The following KLHDC2 variants were observed in gnomAD, a reference collection of about 807,000 sequenced individuals.
The protein encoded by KLHDC2 is kelch domain containing 2.
KLHDC2 carries 38 observed loss-of-function variants against 62.3 expected under a neutral mutation model. The observed-to-expected ratio is 0.61, with a 90% CI of 0.47 to 0.80. The LOEUF is 0.80. Ranked by LOEUF, KLHDC2 falls within the 30% of genes least tolerant of loss-of-function variation. The pLI is 0.00. For synonymous variants in KLHDC2, 159 were observed against 161.0 expected (o/e 0.99, Z 0.09); for missense variants, 430 against 495.3 (o/e 0.87, Z 1.25).
chr14:49,775,060 G>A (rs1889742446), intron 3 of KLHDC2, among the ~76,000 whole-genome samples: 1 of 152,192 alleles, frequency 6.6e-6, no homozygotes, highest in African/African-American at 2.4e-5. Context: ...AAGCTGTAAG[G>A]ATAAATTAAA....
intron 2 of KLHDC2, among the ~76,000 whole-genome samples, chr14:49,772,298 T>TA (rs1889680542): frequency 6.6e-6 from 1 of 152,214 alleles, no homozygotes; most frequent in Admixed American, 6.6e-5. Context: ...TATAAATGGT[T>TA]AAATTGTTAG....
At chr14:49,779,991 G>C in intron 8 of KLHDC2, 185 bp downstream of exon 8, 1 of 620,326 alleles carries the variant, frequency 1.6e-6, no homozygotes. Context: ...TATGTGCCTA[G>C]TACATAGCAT....
At chr14:49,769,334 C>T (rs577514275) in intron 1 of KLHDC2, among the ~76,000 whole-genome samples, 1 of 152,308 alleles carries the variant, frequency 6.6e-6, no homozygotes, top group Non-Finnish European at 1.5e-5. Flanking sequence ...AGTTGCCATT[C>T]TTTACCCTGC....
chr14:49,785,562 T>G lies in KLHDC2; in HGVS notation c.*2609T>G. ...TAATAAGTAATGAGAACAATAATTT[T>G]CAAAATCCTACCTACAGTTACATTT... On this transcript the variant is annotated 3_prime_UTR_variant, in exon 13 of 13. Transcript: ENST00000298307. 1 of 415,162 alleles carries G rather than the reference T, an allele frequency of 2.4e-6. No individual in the cohort carries two copies. The highest frequency in any genetic ancestry group is 4.5e-6 in the Non-Finnish European group (1 of 224,348). The allele number at this position is 415,162 out of a possible 1,614,324, so 25.7% of individuals were successfully genotyped here.
intron 2 of KLHDC2, among the ~76,000 whole-genome samples, chr14:49,771,923 G>A (rs1053358880): frequency 4.6e-5 from 7 of 152,100 alleles, no homozygotes; most frequent in African/African-American, 1.7e-4. Flanking sequence ...TCTGGGAGGC[G>A]GAGGTTGCAG....
intron 4 of KLHDC2, 78 bp from the exon 5 acceptor site, chr14:49,778,100 A>G: frequency 9.8e-7 from 1 of 1,016,320 alleles, no homozygotes; most frequent in Admixed American, 2.0e-5. Flanking sequence ...AGCATTTAAC[A>G]CAGCACCTAA....
Position 49,783,134 on chromosome 14 carries a change from C to T in KLHDC2, c.*181C>T. 2.1e-6 allele frequency: 1 copy of T among 475,922 alleles called. No individual in the cohort carries two copies. Among genetic ancestry groups the T allele is most frequent in the Non-Finnish European group, 3.6e-6 (1 of 277,312 alleles). 29.5% of individuals were successfully genotyped at this position (475,922 alleles called of 1,614,324 possible). A position where few individuals can be genotyped will look rare whatever the true frequency, so the allele number is the denominator to read the frequency against. On this transcript the variant is annotated 3_prime_UTR_variant, in exon 13 of 13. Transcript: ENST00000298307. ...TAAAGTTTACAATAAATGTATTTAA[C>T]ACCAGTAGCTGTCCTCTATTAAAGT...
chr14:49,785,312 T>A lies in KLHDC2; in HGVS notation c.*2359T>A. 6.2e-7 allele frequency: 1 copy of A among 1,613,170 alleles called. No individual in the cohort carries two copies. Among genetic ancestry groups the A allele is most frequent in the Non-Finnish European group, 8.5e-7 (1 of 1,179,222 alleles). ...GTGGCTGGCCTGTCAAAGAATCAAA[T>A]AGGTTTTCCTAAAAAGGGAAAATAA... On this transcript the variant is annotated 3_prime_UTR_variant, in exon 13 of 13. Coordinates refer to ENST00000298307, the MANE Select transcript of KLHDC2 (RefSeq NM_014315.3).
At chr14:49,779,458 A>ACTGTT (rs573389565) in intron 6 of KLHDC2, 137 bp from the exon 7 acceptor site, 140 of 584,912 alleles carry the variant, frequency 2.4e-4, no homozygotes, top group Non-Finnish European at 3.7e-4. Context: ...TTGTAGTACA[A>ACTGTT]CTGTTGTCTA....
At chr14:49,778,561 G>GGGGGGA in intron 6 of KLHDC2, 67 bp downstream of exon 6, 1 of 297,518 alleles carries the variant, frequency 3.4e-6, no homozygotes. Context: ...TGGGGTAGGG[G>GGGGGGA]AGAGGGGTGC....
rs201941780 is a variant in KLHDC2 at position 49,779,569 on chromosome 14, C to G, written c.634-26C>G. 51 of 1,589,232 alleles carry G rather than the reference C, an allele frequency of 3.2e-5. No individual in the cohort carries two copies. The East Asian group carries it at 1.1e-3, about 34-fold the overall frequency. On this transcript the variant is annotated intron_variant, in intron 6 of 12. Coordinates refer to ENST00000298307, the MANE Select transcript of KLHDC2 (RefSeq NM_014315.3). The stretch of plus-strand genomic sequence containing the variant: ...ATTTTCCCTGTTTATAAAAAGTTCA[C>G]TAACTTGCTTATGTGCCTCTAATAG...
intron 7 of KLHDC2, 30 bp from the exon 8 acceptor site, chr14:49,779,718 C>T (rs769944840): frequency 6.2e-7 from 1 of 1,607,980 alleles, no homozygotes. Context: ...TTGAATTCTT[C>T]AAAATGATAA....
intron 3 of KLHDC2, among the ~76,000 whole-genome samples, chr14:49,776,154 AAG>A (rs1889768102): frequency 6.6e-6 from 1 of 152,166 alleles, no homozygotes; most frequent in South Asian, 2.1e-4. Flanking sequence ...TGCTTGAAGA[AAG>A]AGTTCTATGC....
rs757334319 is a variant in KLHDC2 at position 49,784,968 on chromosome 14, T to C, written c.*2015T>C. On this transcript the variant is annotated 3_prime_UTR_variant, in exon 13 of 13. Transcript: ENST00000298307. ...GTCTTTTTCTCTTGCTGTTGCTTCT[T>C]TGGAATGCATGAAACTATTCAAGGC... 4.3e-6 allele frequency: 7 copies of C among 1,613,846 alleles called. No homozygotes were observed. Among genetic ancestry groups the C allele is most frequent in the Admixed American group, 1.7e-5 (1 of 59,986 alleles).
intron 1 of KLHDC2, among the ~76,000 whole-genome samples, chr14:49,771,057 A>C (rs1190966548): frequency 6.6e-6 from 1 of 152,180 alleles, no homozygotes; most frequent in Non-Finnish European, 1.5e-5. Flanking sequence ...GAGTTCCCAG[A>C]GATCTCTTGG....
intron 3 of KLHDC2, among the ~76,000 whole-genome samples, chr14:49,775,638 T>TTC (rs1491011362): frequency 5.1e-5 from 2 of 39,402 alleles, no homozygotes; most frequent in African/African-American, 1.7e-4. Flanking sequence ...TTTTTTTTTT[T>TTC]CGGATGGGGA....
rs556513792 is a variant in KLHDC2 at position 49,786,346 on chromosome 14, T to A, written c.*3393T>A. The A allele has an allele frequency of 1.1e-5, 2 of 179,400 alleles. No homozygotes were observed. Among genetic ancestry groups the A allele is most frequent in the East Asian group, 3.1e-4 (2 of 6,538 alleles). 11.1% of individuals were successfully genotyped at this position (179,400 alleles called of 1,614,324 possible). A position where few individuals can be genotyped will look rare whatever the true frequency, so the allele number is the denominator to read the frequency against. On this transcript the variant is annotated 3_prime_UTR_variant, in exon 13 of 13. Coordinates refer to ENST00000298307, the MANE Select transcript of KLHDC2 (RefSeq NM_014315.3). Reference sequence around the variant, plus strand: ...TGTGCTGCCTGTGAGATTGCCCCCATTTATTTTACAATATGAATAAACTTA... The same window carrying A: ...TGTGCTGCCTGTGAGATTGCCCCCAATTATTTTACAATATGAATAAACTTA...
At chr14:49,769,543 C>T (rs1889616906) in intron 1 of KLHDC2, among the ~76,000 whole-genome samples, 1 of 152,196 alleles carries the variant, frequency 6.6e-6, no homozygotes, top group Non-Finnish European at 1.5e-5. Context: ...TCAAAGATGG[C>T]TGTCCTGATA....
chr14:49,770,905 G>A (rs536136790), intron 1 of KLHDC2, among the ~76,000 whole-genome samples: 2 of 152,364 alleles, frequency 1.3e-5, no homozygotes, highest in South Asian at 4.1e-4. Flanking sequence ...TGAAAGGAAG[G>A]CATGGCTAGA....
Sources: allele counts gnomAD v4.1 joint callset (sites outside exome capture counted in the v4.1 genomes callset), GRCh38; gene constraint gnomAD v4.1.1; transcripts MANE v1.5; gene names NCBI Gene and HGNC (gene_info 2026-07-23, HGNC 2026-07-21).